PCDHGA6: variants seen among roughly 807,000 people sequenced by gnomAD.
PCDHGA6 encodes protocadherin gamma subfamily A, 6.
In PCDHGA6, 41 loss-of-function variants were observed where a neutral mutation model predicts 60.6. The observed-to-expected ratio is 0.68, with a 90% CI of 0.53 to 0.88. PCDHGA6 has a LOEUF of 0.88. Ranked by LOEUF, PCDHGA6 falls within the 40% of genes least tolerant of loss-of-function variation. PCDHGA6 has a pLI of 0.00. For missense variants in PCDHGA6, 1,312 were observed against 1,203.0 expected (o/e 1.09, Z -1.34); for synonymous variants, 594 against 524.4 (o/e 1.13, Z -1.81).
At chr5:141,401,802 A>C (rs1030250595) in intron 1 of PCDHGA6, among the ~76,000 whole-genome samples, 162 of 152,148 alleles carry the variant, frequency 1.1e-3, no homozygotes, top group African/African-American at 3.7e-3. Context: ...TGATTCAGTA[A>C]ATGGGTTCCT....
intron 1 of PCDHGA6, among the ~76,000 whole-genome samples, chr5:141,382,474 A>G (rs1436988724): frequency 6.6e-6 from 1 of 152,244 alleles, no homozygotes; most frequent in East Asian, 1.9e-4. Context: ...AAAATTATCT[A>G]AGATTATCAA....
rs2097419057 is a variant in PCDHGA6 at position 141,431,807 on chromosome 5, A to G, written c.2424+55300A>G. 4 of 1,614,050 alleles carry G rather than the reference A, an allele frequency of 2.5e-6. No individual in the cohort carries two copies. Among genetic ancestry groups the G allele is most frequent in the Non-Finnish European group, 2.5e-6 (3 of 1,180,038 alleles). On this transcript the variant is annotated intron_variant, in intron 1 of 3. Coordinates refer to ENST00000517434, the MANE Select transcript of PCDHGA6 (RefSeq NM_018919.3). This position sits in a 1 kb window ranked among gnomAD's most constrained non-coding sequence, Gnocchi z 4.8. ...CGACAATGCCCCAGAAGTGGTCCTC[A>G]CCTCTCTCGCCAGCTCGGTTCCCGA... is the stretch of plus-strand genomic sequence containing the variant.
At chr5:141,428,010 G>A in intron 1 of PCDHGA6, 1 of 1,603,006 alleles carries the variant, frequency 6.2e-7, no homozygotes, top group Non-Finnish European at 8.5e-7. Flanking sequence ...CTTCGATATA[G>A]TGCCACGCGC....
intron 2 of PCDHGA6, among the ~76,000 whole-genome samples, chr5:141,495,389 C>T (rs966648925): frequency 2.0e-5 from 3 of 152,204 alleles, no homozygotes; most frequent in African/African-American, 7.2e-5. Context: ...CTGGGCGGGG[C>T]ATGGAGCAGG....
chr5:141,383,057 G>A (rs1778763110), intron 1 of PCDHGA6: 2 of 1,613,902 alleles, frequency 1.2e-6, no homozygotes, highest in Non-Finnish European at 1.7e-6. Context: ...AAGGACCTGG[G>A]GCTGGAGCCC....
chr5:141,385,704 T>C (rs1297599541), intron 1 of PCDHGA6: 1 of 268,260 alleles, frequency 3.7e-6, no homozygotes. Context: ...CTCTTTAGCA[T>C]TCAAATATGT....
intron 2 of PCDHGA6, among the ~76,000 whole-genome samples, chr5:141,502,352 C>G (rs544911376): frequency 3.2e-4 from 49 of 151,888 alleles, no homozygotes; most frequent in African/African-American, 1.2e-3. Flanking sequence ...TTTTTAATGA[C>G]ATGGATATTT....
intron 1 of PCDHGA6, chr5:141,396,033 C>T (rs191318626): frequency 1.3e-5 from 2 of 152,280 alleles, no homozygotes; most frequent in East Asian, 3.9e-4. Context: ...TATGTAAGAA[C>T]ATATTTCAAT....
intron 1 of PCDHGA6, chr5:141,404,124 C>G: frequency 1.2e-6 from 2 of 1,613,272 alleles, no homozygotes; most frequent in Non-Finnish European, 1.7e-6. Flanking sequence ...GAGAATCTAT[C>G]TTTTACATTA....
At chr5:141,507,858 AC>A (rs2099864314) in intron 3 of PCDHGA6, among the ~76,000 whole-genome samples, 1 of 151,748 alleles carries the variant, frequency 6.6e-6, no homozygotes, top group African/African-American at 2.4e-5. Flanking sequence ...TCACTTTCAC[AC>A]CCGCTTCCTA....
chr5:141,441,927 G>A (rs2098285195), intron 1 of PCDHGA6: 2 of 354,242 alleles, frequency 5.6e-6, no homozygotes, highest in Non-Finnish European at 1.1e-5. Flanking sequence ...ACAATGCGTG[G>A]CTGTCCTACC....
intron 1 of PCDHGA6, chr5:141,378,751 G>C (rs72790019): frequency 1.3e-5 from 2 of 152,014 alleles, no homozygotes; most frequent in African/African-American, 4.8e-5. Context: ...AAGAAAAAAG[G>C]GATTATCATT....
chr5:141,484,866 C>A (rs1474623432), intron 1 of PCDHGA6: 9 of 275,500 alleles, frequency 3.3e-5, no homozygotes, highest in Non-Finnish European at 5.5e-5. Context: ...GGTGGGGGAG[C>A]GTGGAGGATA....
At chr5:141,456,404 G>A (rs935040352) in intron 1 of PCDHGA6, among the ~76,000 whole-genome samples, 4 of 152,104 alleles carry the variant, frequency 2.6e-5, no homozygotes, top group Non-Finnish European at 4.4e-5. Flanking sequence ...TTGCTTCTAG[G>A]CGAGAAGAAA....
chr5:141,484,869 G>C (rs2154580238), intron 1 of PCDHGA6: 1 of 292,558 alleles, frequency 3.4e-6, no homozygotes, highest in African/African-American at 2.2e-5. Flanking sequence ...GGGGGAGCGT[G>C]GAGGATAGGG....
At chr5:141,400,233 C>A (rs373858401) in intron 1 of PCDHGA6, 2 of 1,613,988 alleles carry the variant, frequency 1.2e-6, no homozygotes, top group African/African-American at 1.3e-5. Flanking sequence ...TCCTCCTGGC[C>A]GTGATTCTGG....
chr5:141,400,144 G>A, intron 1 of PCDHGA6: 1 of 1,614,068 alleles, frequency 6.2e-7, no homozygotes, highest in Non-Finnish European at 8.5e-7. Context: ...GGATATCACT[G>A]ACCGCCCTGT....
At chr5:141,508,604 A>G (rs2099870124) in intron 3 of PCDHGA6, among the ~76,000 whole-genome samples, 1 of 152,150 alleles carries the variant, frequency 6.6e-6, no homozygotes, top group African/African-American at 2.4e-5. Flanking sequence ...TCTTGGGTGC[A>G]CATAGGACGT....
At chr5:141,409,464 C>A in intron 1 of PCDHGA6, 1 of 1,613,940 alleles carries the variant, frequency 6.2e-7, no homozygotes, top group South Asian at 1.1e-5. Context: ...TACAATGTCA[C>A]CATCGTAGCC....
Sources: gnomAD v4.1 joint callset for allele counts (sites outside exome capture counted in the v4.1 genomes callset) on GRCh38, gnomAD v4.1.1 for gene constraint, Gnocchi (gnomAD v3.1) non-coding constraint, MANE v1.5 for transcripts, NCBI Gene and HGNC (gene_info 2026-07-23, HGNC 2026-07-21) for gene names.